Variants in CACNA1C observed in about 807,000 individuals in gnomAD.
The protein encoded by CACNA1C is calcium voltage-gated channel subunit alpha1 C.
Under a neutral mutation model 229.0 loss-of-function variants are expected in CACNA1C, and 30 were observed. That is an observed-to-expected ratio of 0.13 (90% confidence interval 0.10 to 0.18). The LOEUF (loss-of-function observed/expected upper bound fraction) is 0.18, where lower values mean the gene tolerates loss of function less well. Among genes scored for constraint, CACNA1C ranks in the 10% least tolerant of loss-of-function variants. The probability of loss-of-function intolerance (pLI) is 1.00; values close to 1 mark genes in which losing one functional copy is unlikely to be tolerated. For synonymous variants in CACNA1C, 1,114 were observed against 1,132.5 expected (o/e 0.98, Z 0.33); for missense variants, 1,658 against 2,845.0 (o/e 0.58, Z 9.49).
chr12:2,600,364 A>G (rs1302457615), intron 21 of CACNA1C, among the ~76,000 whole-genome samples: 1 of 152,200 alleles, frequency 6.6e-6, no homozygotes, highest in Non-Finnish European at 1.5e-5. Context: ...GATAAATGGA[A>G]AGAATTAGGT....
At chr12:2,588,439 C>G (rs1382185372) in intron 18 of CACNA1C, among the ~76,000 whole-genome samples, 1 of 152,238 alleles carries the variant, frequency 6.6e-6, no homozygotes. Flanking sequence ...TGCCCTGTCT[C>G]CTAGGCTTGC....
At chr12:2,278,895 G>T (rs1215415872) in intron 3 of CACNA1C, among the ~76,000 whole-genome samples, 1 of 152,196 alleles carries the variant, frequency 6.6e-6, no homozygotes, top group African/African-American at 2.4e-5. Flanking sequence ...CCAACACCTG[G>T]TGTGGTCAGT....
intron 3 of CACNA1C, among the ~76,000 whole-genome samples, chr12:2,272,846 C>T (rs1469301054): frequency 6.6e-6 from 1 of 152,180 alleles, no homozygotes; most frequent in Non-Finnish European, 1.5e-5. Flanking sequence ...TTCGTAGGCC[C>T]AGGATCAGAA....
chr12:2,610,622 T>C lies in CACNA1C; in HGVS notation c.3640T>C (p.Tyr1214His), dbSNP rs1299899054. ...PKNQHQYKVW[Y>H]VVNSTYFEYL... ...GAACCAGCACCAGTACAAAGTGTGGTACGTGGTCAACTCCACCTACTTCGA... is the reference window on the plus strand; with the variant it reads ...GAACCAGCACCAGTACAAAGTGTGGCACGTGGTCAACTCCACCTACTTCGA... The change falls in exon 28 of 47, where the codon TAC becomes CAC. Residue 1214 changes from tyrosine to histidine, a missense_variant. Tyr to His is a moderately conservative substitution (Grantham distance 83). This residue lies in a region of CACNA1C where 67 missense variants were observed against 106.4 expected (regional missense o/e 0.63). Transcript: ENST00000399655. The C allele has an allele frequency of 1.2e-6, 2 of 1,614,046 alleles. No homozygotes were observed. Among genetic ancestry groups the C allele is most frequent in the Admixed American group, 1.7e-5 (1 of 60,010 alleles).
At chr12:1,979,198 G>A (rs370168996) in intron 1 of CACNA1C, among the ~76,000 whole-genome samples, 2 of 152,204 alleles carry the variant, frequency 1.3e-5, no homozygotes, top group East Asian at 3.8e-4. Context: ...ATTTTTAGTA[G>A]AGATGGGGTT....
chr12:2,295,846 C>G (rs540399356), intron 3 of CACNA1C, among the ~76,000 whole-genome samples: 16 of 152,256 alleles, frequency 1.1e-4, no homozygotes, highest in Non-Finnish European at 2.1e-4. Context: ...CTTCTTGGCC[C>G]ACACTCCCAA....
intron 1 of CACNA1C, among the ~76,000 whole-genome samples, chr12:2,005,342 A>C (rs1338775121): frequency 6.6e-6 from 1 of 152,214 alleles, no homozygotes; most frequent in Non-Finnish European, 1.5e-5. Flanking sequence ...CTAGGAAAAT[A>C]CTTCTGTGCT....
rs1336225190 is a variant in CACNA1C at position 2,595,644 on chromosome 12, G to A, written c.2664-230G>A. Among the ~76,000 whole-genome samples, 2 of 152,170 alleles carry A rather than the reference G, an allele frequency of 1.3e-5. No individual in the cohort carries two copies. The highest frequency in any genetic ancestry group is 3.9e-4 in the East Asian group (2 of 5,176). ...TTTGGGAATTCAGAGATTCTCAAAG[G>A]TCTCAGATGTAACCTTCTAAAATAT... On this transcript the variant is annotated intron_variant, in intron 19 of 46. Transcript: ENST00000399655. This position sits in a 1 kb window ranked among gnomAD's most constrained non-coding sequence, Gnocchi z 4.1.
chr12:2,542,835 T>C (rs552469798), intron 9 of CACNA1C, among the ~76,000 whole-genome samples: 6 of 152,096 alleles, frequency 3.9e-5, no homozygotes, highest in Admixed American at 6.5e-5. Context: ...CAAGAGTACA[T>C]GTTTGTGGGG....
At chr12:2,167,551 C>CA (rs1322340038) in intron 3 of CACNA1C, among the ~76,000 whole-genome samples, 14 of 152,186 alleles carry the variant, frequency 9.2e-5, no homozygotes, top group African/African-American at 2.9e-4. Context: ...CTATCTCCTC[C>CA]ATGGGGGGCA....
rs1425934872 is a variant in CACNA1C at position 2,319,180 on chromosome 12, C to T, written c.478-129796C>T. 6.6e-6 allele frequency among the ~76,000 whole-genome samples: 1 copy of T among 152,098 alleles called. No homozygotes were observed. The highest frequency in any genetic ancestry group is 2.4e-5 in the African/African-American group (1 of 41,388). On this transcript the variant is annotated intron_variant, in intron 3 of 46. Transcript: ENST00000399655. The surrounding 1 kb of genome is among the most constrained non-coding windows in gnomAD (Gnocchi z 4.0). The stretch of plus-strand genomic sequence containing the variant: ...GGCAGGCAGGGGTCCCCACATATCA[C>T]TGCACCCTCGTGGGCTCCCCTGCCC...
chr12:2,212,847 C>T (rs943225368), intron 3 of CACNA1C, among the ~76,000 whole-genome samples: 1 of 152,172 alleles, frequency 6.6e-6, no homozygotes, highest in Non-Finnish European at 1.5e-5. Context: ...ACAAAGGAAG[C>T]ACAGAACTGG....
At chr12:2,518,223 GC>G (rs1458995036) in intron 9 of CACNA1C, among the ~76,000 whole-genome samples, 1 of 152,150 alleles carries the variant, frequency 6.6e-6, no homozygotes, top group Non-Finnish European at 1.5e-5. Context: ...CCACGATAGG[GC>G]CCCATGTGGC....
At position 2,254,797 on chromosome 12, in the gene CACNA1C, C is replaced by T. The variant is rs540019340; in HGVS notation, c.477+134367C>T. ...AGAAAGTGCCTGGGTGATTCTGATA[C>T]GTCCCATCTACACTTTGAGAACTAC... On this transcript the variant is annotated intron_variant, in intron 3 of 46. Transcript: ENST00000399655. Among the ~76,000 whole-genome samples, 133 of 151,824 alleles carry T rather than the reference C, an allele frequency of 8.8e-4. 1 individual carries two copies. Among genetic ancestry groups the T allele is most frequent in the Middle Eastern group, 3.4e-3 (1 of 294 alleles).
At chr12:2,126,886 C>CCT (rs2090301095) in intron 3 of CACNA1C, among the ~76,000 whole-genome samples, 1 of 152,216 alleles carries the variant, frequency 6.6e-6, no homozygotes, top group African/African-American at 2.4e-5. Flanking sequence ...GGGCCCCTCC[C>CCT]CTCTGCCTGG....
At chr12:2,086,220 T>C (rs894757137) in intron 1 of CACNA1C, among the ~76,000 whole-genome samples, 8 of 152,232 alleles carry the variant, frequency 5.3e-5, no homozygotes, top group Non-Finnish European at 1.2e-4. Flanking sequence ...CACATAGTAG[T>C]AGGCACTTGG....
At chr12:2,497,706 A>AC (rs1555678430) in intron 7 of CACNA1C, among the ~76,000 whole-genome samples, 1 of 151,522 alleles carries the variant, frequency 6.6e-6, no homozygotes, top group Non-Finnish European at 1.5e-5. Context: ...TCTTCGACTG[A>AC]TTTTTTTTTA....
chr12:2,362,555 C>T (rs780220269), intron 3 of CACNA1C, among the ~76,000 whole-genome samples: 10 of 152,212 alleles, frequency 6.6e-5, no homozygotes, highest in Non-Finnish European at 1.5e-4. Context: ...CACTTGTTCT[C>T]CTGCTGGGGT....
intron 10 of CACNA1C, among the ~76,000 whole-genome samples, chr12:2,550,946 T>C (rs928826750): frequency 3.3e-5 from 5 of 152,224 alleles, no homozygotes; most frequent in African/African-American, 1.2e-4. Flanking sequence ...CCAGGGAGTC[T>C]GCACTGCAGA....
Sources: gnomAD v4.1 joint callset for allele counts (sites outside exome capture counted in the v4.1 genomes callset) on GRCh38, gnomAD v4.1.1 for gene constraint, gnomAD v4.1.1 regional missense constraint, Gnocchi (gnomAD v3.1) non-coding constraint, MANE v1.5 for transcripts, NCBI Gene and HGNC (gene_info 2026-07-23, HGNC 2026-07-21) for gene names.